SEPTIN4: variants seen among roughly 807,000 people sequenced by gnomAD.
SEPTIN4 encodes septin-4.
Under a neutral mutation model 107.1 loss-of-function variants are expected in SEPTIN4, and 52 were observed. The ratio of observed to expected loss-of-function variants is 0.49; its 90% CI spans 0.39 to 0.61. SEPTIN4 has a LOEUF of 0.61. Ranked by LOEUF, SEPTIN4 falls within the 20% of genes least tolerant of loss-of-function variation. The pLI, the probability that SEPTIN4 is intolerant of heterozygous loss-of-function variation, is 0.00. For synonymous variants in SEPTIN4, 417 were observed against 467.0 expected, an observed-to-expected ratio of 0.89 and a Z score of 1.38; for missense variants, 1,048 against 1,243.5, an observed-to-expected ratio of 0.84 and a Z score of 2.36.
chr17:58,521,940 GC>G lies in SEPTIN4; in HGVS notation c.2351+26del, dbSNP rs768769356. ...TGTTCCCTTGACAGCACCCGGTGGT[GC>G]CAGGAGCCTCAGGCTTGGACCATAC... On this transcript the variant is annotated intron_variant, in intron 8 of 13. Coordinates refer to ENST00000672673, the MANE Select transcript of SEPTIN4 (RefSeq NM_001368771.2). This position sits in a 1 kb window ranked among gnomAD's most constrained non-coding sequence, Gnocchi z 6.4. The G allele has an allele frequency of 6.2e-7, 1 of 1,614,208 alleles. No individual in the cohort carries two copies. The highest frequency in any genetic ancestry group is 8.5e-7 in the Non-Finnish European group (1 of 1,180,042).
At chr17:58,531,033 G>A (rs1364141969) in intron 3 of SEPTIN4, 1 of 152,442 alleles carries the variant, frequency 6.6e-6, no homozygotes, top group Non-Finnish European at 1.5e-5. Flanking sequence ...CCAATGCAGA[G>A]GGCAAAGGCT....
intron 3 of SEPTIN4, chr17:58,528,451 GAC>G (rs2043163457): frequency 6.6e-6 from 1 of 152,456 alleles, no homozygotes; most frequent in African/African-American, 2.4e-5. Flanking sequence ...GAGGCTGGGT[GAC>G]CAGAAGAGGC....
intron 7 of SEPTIN4, chr17:58,524,778 G>T (rs540131040): frequency 1.4e-4 from 37 of 261,030 alleles, no homozygotes. Context: ...ATGTTGCCCA[G>T]GCTGGCCTTG....
intron 13 of SEPTIN4, 103 bp from the exon 14 acceptor site, chr17:58,520,588 G>T: frequency 2.0e-6 from 3 of 1,526,050 alleles, no homozygotes; most frequent in African/African-American, 1.4e-5. Context: ...CTTGGTAGCC[G>T]TGAGGTGTGA....
At chr17:58,523,342 C>T (rs1490554335) in intron 7 of SEPTIN4, among the ~76,000 whole-genome samples, 1 of 149,224 alleles carries the variant, frequency 6.7e-6, no homozygotes, top group East Asian at 1.9e-4. Context: ...TGCACTCTAG[C>T]CTGGGCAACA....
rs544250413 is a variant in SEPTIN4, at chr17:58,525,721, C to A, written c.2066G>T (p.Arg689Leu). Reference sequence around the variant, plus strand: ...TTCAGCACCAAGAAGTTTCCGGTCCCGGTACAGATCAGTGAGGAAGAGGCT... The same window carrying A: ...TTCAGCACCAAGAAGTTTCCGGTCCAGGTACAGATCAGTGAGGAAGAGGCT... ...VNSLFLTDLYRDRKLLGAEER... is the reference protein window; with the variant it reads ...VNSLFLTDLYLDRKLLGAEER... The change falls in exon 6 of 14, where the codon CGG (arginine) becomes CTG (leucine). Residue 689 changes from arginine to leucine, a missense_variant. This residue lies in a region of SEPTIN4 where 787 missense variants were observed against 871.8 expected (regional missense o/e 0.90). Transcript: ENST00000672673. 6.2e-7 allele frequency: 1 copy of A among 1,614,118 alleles called. No individual in the cohort carries two copies. The highest frequency in any genetic ancestry group is 2.2e-5 in the East Asian group (1 of 44,878).
Position 58,525,756 on chromosome 17 carries a change from T to C in SEPTIN4, c.2031A>G (p.Thr677=). 6.2e-7 allele frequency: 1 copy of C among 1,614,160 alleles called. No individual in the cohort carries two copies. The highest frequency in any genetic ancestry group is 8.5e-7 in the Non-Finnish European group (1 of 1,180,018). Residue 677 remains threonine, a synonymous_variant, in exon 6 of 14, where the codon ACA becomes ACG. Transcript: ENST00000672673. ...VAGESGLGKS[T]LVNSLFLTDL... ...CAGTGAGGAAGAGGCTATTGACAAGTGTGGATTTGCCCAGGCCAGACTCTC... is the reference window on the plus strand; with the variant it reads ...CAGTGAGGAAGAGGCTATTGACAAGCGTGGATTTGCCCAGGCCAGACTCTC...
chr17:58,543,785 G>C lies in SEPTIN4; in HGVS notation c.402C>G (p.Gly134=). 1 of 1,614,158 alleles carries C rather than the reference G, an allele frequency of 6.2e-7. No individual in the cohort carries two copies. Among genetic ancestry groups the C allele is most frequent in the Non-Finnish European group, 8.5e-7 (1 of 1,180,034 alleles). Residue 134 remains glycine (G), a synonymous_variant, in exon 1 of 14, where the codon GGC becomes GGG. Transcript: ENST00000672673. ...CCTCGCGCCCTGACTTGCTCTCACTGCCTCTTCGTGCTGCTTCCTCTCTGG... is the reference window on the plus strand; with the variant it reads ...CCTCGCGCCCTGACTTGCTCTCACTCCCTCTTCGTGCTGCTTCCTCTCTGG... ...SPPREEAARR[G]SESKSGREVG...
intron 7 of SEPTIN4, 116 bp from the exon 8 acceptor site, chr17:58,522,217 C>T: frequency 2.2e-6 from 3 of 1,347,732 alleles, no homozygotes; most frequent in Non-Finnish European, 3.1e-6. Flanking sequence ...ACTGTTATTC[C>T]CTGGCTTGCT....
intron 7 of SEPTIN4, 62 bp from the exon 8 acceptor site, chr17:58,522,163 G>A: frequency 6.2e-7 from 1 of 1,600,406 alleles, no homozygotes. Flanking sequence ...TGAGCTCTGG[G>A]ACTACAGAGA....
At position 58,526,978 on chromosome 17, in the gene SEPTIN4, T is replaced by C. The variant is rs777027868; in HGVS notation, c.1615A>G (p.Ile539Val). 7 of 1,613,882 alleles carry C rather than the reference T, an allele frequency of 4.3e-6. No individual in the cohort carries two copies. Among genetic ancestry groups the C allele is most frequent in the Non-Finnish European group, 5.9e-6 (7 of 1,180,008 alleles). Residue 539 changes from isoleucine to valine, a missense_variant and splice_region_variant, in exon 4 of 14, where the codon ATC becomes GTC. Physicochemically the swap from Ile to Val is conservative, Grantham distance 29. Coordinates refer to ENST00000672673, the MANE Select transcript of SEPTIN4 (RefSeq NM_001368771.2). Reference protein sequence around the residue: ...RVIWWLKDEEIKRFLEDTTDD... With the variant: ...RVIWWLKDEEVKRFLEDTTDD... ...GTGGTGTCCTCCAGGAAACGCTTGA[T>C]CTGGGGGAAGCGGGGTGGGTAGAAT...
intron 3 of SEPTIN4, among the ~76,000 whole-genome samples, chr17:58,537,871 G>A (rs142664746): frequency 0.012 from 1,714 of 143,240 alleles, 13 homozygotes; most frequent in Middle Eastern, 0.037. Flanking sequence ...GCCCTGCCCC[G>A]TTTTCAGCAG....
chr17:58,528,205 A>G (rs2144143956), intron 3 of SEPTIN4: 1 of 170,684 alleles, frequency 5.9e-6, no homozygotes, highest in South Asian at 1.9e-4. Flanking sequence ...AAGATAAGAT[A>G]GCCACAGTCT....
chr17:58,530,256 G>T (rs997885270), intron 3 of SEPTIN4: 2 of 152,252 alleles, frequency 1.3e-5, no homozygotes, highest in African/African-American at 4.8e-5. Context: ...GGGAGAGAAA[G>T]CACTCCCAGA....
At chr17:58,522,183 C>T (rs2042346097) in intron 7 of SEPTIN4, 82 bp from the exon 8 acceptor site, 1 of 1,548,296 alleles carries the variant, frequency 6.5e-7, no homozygotes, top group South Asian at 1.2e-5. Context: ...AAGTAGCCCA[C>T]TCCCTGAGCA....
At chr17:58,537,256 A>G (rs948534836) in intron 3 of SEPTIN4, among the ~76,000 whole-genome samples, 2 of 152,180 alleles carry the variant, frequency 1.3e-5, no homozygotes, top group African/African-American at 2.4e-5. Context: ...ACTGCACCAC[A>G]GCTTGTATTA....
chr17:58,526,030 C>T (rs545359783), intron 5 of SEPTIN4, among the ~76,000 whole-genome samples, 190 bp downstream of exon 5: 152 of 151,774 alleles, frequency 1.0e-3, no homozygotes, highest in Non-Finnish European at 1.6e-3. Context: ...GCAACCAATT[C>T]GAACCCCCAC....
At chr17:58,522,163 G>C (rs2144019455) in intron 7 of SEPTIN4, 62 bp from the exon 8 acceptor site, 2 of 1,600,406 alleles carry the variant, frequency 1.2e-6, no homozygotes, top group East Asian at 2.2e-5. Flanking sequence ...TGAGCTCTGG[G>C]ACTACAGAGA....
rs2043684566 is a variant in SEPTIN4, at chr17:58,535,606, A to T, written c.1614+5060T>A. Among the ~76,000 whole-genome samples the T allele has an allele frequency of 2.0e-5, 3 of 152,304 alleles. No individual in the cohort carries two copies. The South Asian group carries it at 6.2e-4, about 32-fold the overall frequency. On this transcript the variant is annotated intron_variant, in intron 3 of 13. Coordinates refer to ENST00000672673, the MANE Select transcript of SEPTIN4 (RefSeq NM_001368771.2). ...TGTCTTTCCCTGGCTTTTACCCTCC[A>T]TATGCCTCCATGCTGGAAGCTTTGC...
Sources: gnomAD v4.1 joint callset for allele counts (sites outside exome capture counted in the v4.1 genomes callset) on GRCh38, gnomAD v4.1.1 for gene constraint, gnomAD v4.1.1 regional missense constraint, Gnocchi (gnomAD v3.1) non-coding constraint, MANE v1.5 for transcripts, NCBI Gene and HGNC (gene_info 2026-07-23, HGNC 2026-07-21) for gene names.